Variants in ZSWIM6 observed in about 807,000 individuals in gnomAD.
ZSWIM6 encodes zinc finger SWIM domain-containing protein 6.
In ZSWIM6, 9 loss-of-function variants were observed where a neutral mutation model predicts 113.2. The ratio of observed to expected loss-of-function variants is 0.08; its 90% CI spans 0.05 to 0.14. The LOEUF is 0.14. Among genes scored for constraint, ZSWIM6 ranks in the 10% least tolerant of loss-of-function variants. The pLI, the probability that ZSWIM6 is intolerant of heterozygous loss-of-function variation, is 1.00. For synonymous variants in ZSWIM6, 611 were observed against 606.5 expected (o/e 1.01, Z -0.11); for missense variants, 1,162 against 1,552.2 (o/e 0.75, Z 4.22).
intron 1 of ZSWIM6, among the ~76,000 whole-genome samples, chr5:61,351,141 CAG>C (rs1744775072): frequency 6.6e-6 from 1 of 152,178 alleles, no homozygotes; most frequent in Non-Finnish European, 1.5e-5. Context: ...TGCAGCTAAA[CAG>C]AGCATGTTTT....
At chr5:61,362,433 G>C (rs1327345376) in intron 1 of ZSWIM6, among the ~76,000 whole-genome samples, 2 of 152,064 alleles carry the variant, frequency 1.3e-5, no homozygotes, top group African/African-American at 4.8e-5. Flanking sequence ...CCTGACCTCA[G>C]GTGATCTGCC....
intron 1 of ZSWIM6, among the ~76,000 whole-genome samples, chr5:61,335,264 C>T (rs907218291): frequency 1.3e-5 from 2 of 152,252 alleles, no homozygotes; most frequent in African/African-American, 4.8e-5. Flanking sequence ...GAAACACATA[C>T]GTGCTAAACA....
At chr5:61,341,050 A>G (rs1744534663) in intron 1 of ZSWIM6, among the ~76,000 whole-genome samples, 1 of 152,258 alleles carries the variant, frequency 6.6e-6, no homozygotes, top group Non-Finnish European at 1.5e-5. Flanking sequence ...ATGAGAAAAT[A>G]AAAAAGTCAG....
At chr5:61,360,656 A>T (rs1021243827) in intron 1 of ZSWIM6, among the ~76,000 whole-genome samples, 1 of 152,138 alleles carries the variant, frequency 6.6e-6, no homozygotes, top group Non-Finnish European at 1.5e-5. Flanking sequence ...CTTATCTAGC[A>T]CTTATTTTTA....
intron 1 of ZSWIM6, among the ~76,000 whole-genome samples, chr5:61,408,328 ACCC>A (rs2112110315): frequency 6.6e-6 from 1 of 152,328 alleles, no homozygotes; most frequent in East Asian, 1.9e-4. Context: ...GTCACTGTGT[ACCC>A]TTTTGTTTTG....
At chr5:61,448,836 A>G (rs1219288248) in intron 1 of ZSWIM6, among the ~76,000 whole-genome samples, 1 of 152,226 alleles carries the variant, frequency 6.6e-6, no homozygotes, top group Non-Finnish European at 1.5e-5. Flanking sequence ...ACTAGCCTTG[A>G]CTAGAAATAC....
chr5:61,484,186 A>G (rs569808658), intron 2 of ZSWIM6, among the ~76,000 whole-genome samples: 5 of 152,262 alleles, frequency 3.3e-5, no homozygotes, highest in African/African-American at 1.2e-4. Context: ...TCTTATGTGG[A>G]TATGACCCAA....
At chr5:61,426,764 T>G (rs1471446156) in intron 1 of ZSWIM6, among the ~76,000 whole-genome samples, 1 of 152,186 alleles carries the variant, frequency 6.6e-6, no homozygotes, top group African/African-American at 2.4e-5. Context: ...CCCACCTTTT[T>G]CTAATAGAAC....
chr5:61,535,675 T>C lies in ZSWIM6; in HGVS notation c.2381+56T>C, dbSNP rs939406845. The C allele has an allele frequency of 4.0e-5, 61 of 1,543,238 alleles. No individual in the cohort carries two copies. The Admixed American group carries it at 6.9e-4, about 17-fold the overall frequency. On this transcript the variant is annotated intron_variant, in intron 10 of 13. Coordinates refer to ENST00000252744, the MANE Select transcript of ZSWIM6 (RefSeq NM_020928.2). ...CAGGCCACATTCCCACTGGGAAGCA[T>C]GGCTGTTAACTGACTTACTCCTTCA...
chr5:61,391,895 G>A, intron 1 of ZSWIM6: 1 of 599,224 alleles, frequency 1.7e-6, no homozygotes, highest in African/African-American at 1.9e-5. Context: ...CCTGCCGGTA[G>A]AGCAAAAAAT....
At chr5:61,383,443 T>C (rs1006591917) in intron 1 of ZSWIM6, among the ~76,000 whole-genome samples, 1 of 152,218 alleles carries the variant, frequency 6.6e-6, no homozygotes, top group Non-Finnish European at 1.5e-5. Flanking sequence ...ATCTTGATCT[T>C]ATTTTGAGTG....
At chr5:61,378,517 G>C (rs1745415214) in intron 1 of ZSWIM6, among the ~76,000 whole-genome samples, 1 of 151,998 alleles carries the variant, frequency 6.6e-6, no homozygotes, top group Non-Finnish European at 1.5e-5. Context: ...TTTACCTTGA[G>C]ACAAACTGAG....
chr5:61,389,554 C>CAAAAAAAAAAAAAAAAAAAAAAAAAAAA, intron 1 of ZSWIM6, among the ~76,000 whole-genome samples: 1 of 50,988 alleles, frequency 2.0e-5, no homozygotes, highest in Non-Finnish European at 3.9e-5. Context: ...GACTCAGTCT[C>CAAAAAAAAAAAAAAAAAAAAAAAAAAAA]AAAAAAAAAA....
chr5:61,359,282 A>G (rs1194226188), intron 1 of ZSWIM6, among the ~76,000 whole-genome samples: 1 of 152,106 alleles, frequency 6.6e-6, no homozygotes, highest in Non-Finnish European at 1.5e-5. Flanking sequence ...AGACAGGTAT[A>G]GTGAGAACTA....
intron 1 of ZSWIM6, among the ~76,000 whole-genome samples, chr5:61,386,953 G>A (rs950053435): frequency 2.0e-5 from 3 of 152,066 alleles, no homozygotes; most frequent in Non-Finnish European, 2.9e-5. Context: ...TTTATGGGCC[G>A]GTTCCTTTAT....
At position 61,437,403 on chromosome 5, in the gene ZSWIM6, A is replaced by C. The variant is rs577066368; in HGVS notation, c.677-35278A>C. On this transcript the variant is annotated intron_variant, in intron 1 of 13. Transcript: ENST00000252744. Reference sequence around the variant, plus strand: ...CTGATCTACATCACATCAGCAAGCCAATAGTTGGCATTAGACTATGTAAAA... The same window carrying C: ...CTGATCTACATCACATCAGCAAGCCCATAGTTGGCATTAGACTATGTAAAA... Among the ~76,000 whole-genome samples the C allele has an allele frequency of 2.6e-5, 4 of 152,294 alleles. No individual in the cohort carries two copies. In the South Asian group the frequency reaches 8.3e-4, roughly 32 times the overall value.
rs1744282408 is a variant in ZSWIM6, at chr5:61,332,720, G to T, written c.448G>T (p.Gly150Cys). The T allele has an allele frequency of 3.0e-5, 29 of 966,430 alleles. No individual in the cohort carries two copies. Among genetic ancestry groups the T allele is most frequent in the Non-Finnish European group, 3.5e-5 (29 of 819,456 alleles). The allele number at this position is 966,430 out of a possible 1,614,324, so 59.9% of individuals were successfully genotyped here. The change falls in exon 1 of 14, where the codon GGC becomes TGC. Residue 150 changes from glycine (G) to cysteine (C), a missense_variant. Around this residue, in one of 4 missense-constraint regions of ZSWIM6, gnomAD observed 333 missense variants for 293.4 expected, o/e 1.13. Coordinates refer to ENST00000252744, the MANE Select transcript of ZSWIM6 (RefSeq NM_020928.2). ...DSGGGGGAGG[G>C]GGGGSSSSPA... is the part of the protein sequence containing the mutation. ...CGGTGGCGGCGGCGGCGCGGGCGGCGGCGGCGGCGGCGGCTCCTCGTCTTC... is the reference window on the plus strand; with the variant it reads ...CGGTGGCGGCGGCGGCGCGGGCGGCTGCGGCGGCGGCGGCTCCTCGTCTTC...
intron 1 of ZSWIM6, among the ~76,000 whole-genome samples, chr5:61,410,379 G>A (rs1196305233): frequency 6.8e-6 from 1 of 147,798 alleles, no homozygotes; most frequent in Non-Finnish European, 1.5e-5. Context: ...GTGCGATCTC[G>A]GCTCACTGCA....
At chr5:61,391,170 A>G (rs1745700347) in intron 1 of ZSWIM6, 2 of 810,396 alleles carry the variant, frequency 2.5e-6, no homozygotes, top group Non-Finnish European at 4.5e-6. Context: ...TGGTGTGCCA[A>G]CGACTGGTGA....
Sources: gnomAD v4.1 joint callset for allele counts (sites outside exome capture counted in the v4.1 genomes callset) on GRCh38, gnomAD v4.1.1 for gene constraint, gnomAD v4.1.1 regional missense constraint, MANE v1.5 for transcripts, NCBI Gene and HGNC (gene_info 2026-07-23, HGNC 2026-07-21) for gene names.